The following RGL1 variants were observed in gnomAD, a reference collection of about 807,000 sequenced individuals.
The protein encoded by RGL1 is ral guanine nucleotide dissociation stimulator like 1, also known as ral guanine nucleotide dissociation stimulator-like 1.
Under a neutral mutation model 95.2 loss-of-function variants are expected in RGL1, and 24 were observed. The ratio of observed to expected loss-of-function variants is 0.25; its 90% CI spans 0.18 to 0.35. The LOEUF is 0.35. RGL1 is among the 10% of genes least tolerant of loss of function. The pLI, the probability that RGL1 is intolerant of heterozygous loss-of-function variation, is 1.00. For synonymous variants in RGL1, 329 were observed against 344.9 expected, an observed-to-expected ratio of 0.95 and a Z score of 0.51; for missense variants, 715 against 936.3, an observed-to-expected ratio of 0.76 and a Z score of 3.08.
At chr1:183,849,047 C>T (rs1558246858) in intron 3 of RGL1, among the ~76,000 whole-genome samples, 1 of 152,074 alleles carries the variant, frequency 6.6e-6, no homozygotes, top group Non-Finnish European at 1.5e-5. Context: ...GATAGCATCA[C>T]AGTACATAGT....
At position 183,926,888 on chromosome 1, in the gene RGL1, A is replaced by C. The variant is rs1241178327; in HGVS notation, c.*596A>C. 1 of 152,640 alleles carries C rather than the reference A, an allele frequency of 6.6e-6. No homozygotes were observed. The highest frequency in any genetic ancestry group is 1.5e-5 in the Non-Finnish European group (1 of 68,054). 9.5% of individuals were successfully genotyped at this position (152,640 alleles called of 1,614,324 possible). On this transcript the variant is annotated 3_prime_UTR_variant, in exon 18 of 18. Coordinates refer to ENST00000360851, the MANE Select transcript of RGL1 (RefSeq NM_001297671.3). ...ACTGCCACAGGCTGTATGAAAGGCC[A>C]CTTTGGAAAGGGTTTGGATGAGCTG...
Position 183,916,428 on chromosome 1 carries a change from G to A in RGL1, c.1750-19G>A. On this transcript the variant is annotated intron_variant, in intron 15 of 17. Coordinates refer to ENST00000360851, the MANE Select transcript of RGL1 (RefSeq NM_001297671.3). The stretch of plus-strand genomic sequence containing the variant: ...AGCGTTCTAATCTGTTTTCTTCTGG[G>A]GTGTGTTTACTCTTCCAGCTCTCTG... 6.2e-7 allele frequency: 1 copy of A among 1,612,448 alleles called. No homozygotes were observed. Among genetic ancestry groups the A allele is most frequent in the Non-Finnish European group, 8.5e-7 (1 of 1,178,936 alleles).
intron 1 of RGL1, among the ~76,000 whole-genome samples, chr1:183,737,821 G>T (rs1053193358): frequency 7.9e-5 from 12 of 151,948 alleles, no homozygotes; most frequent in Non-Finnish European, 8.8e-5. Flanking sequence ...GATCAGATTT[G>T]CCTTTATATA....
rs16861392 is a variant in RGL1 at position 183,648,236 on chromosome 1, C to T, written c.-33+11735C>T. 4.8e-3 allele frequency: 7,807 copies of T among 1,614,110 alleles called. 328 individuals carry two copies. The African/African-American group carries it at 0.093, about 19-fold the overall frequency. ...CACTTATTGGACTCAAAACAACCCGCGGCCATAAGCTGGCCAGGCTCCGGA... is the reference window on the plus strand; with the variant it reads ...CACTTATTGGACTCAAAACAACCCGTGGCCATAAGCTGGCCAGGCTCCGGA... On this transcript the variant is annotated intron_variant, in intron 1 of 18. Transcript: ENST00000304685.
intron 1 of RGL1, among the ~76,000 whole-genome samples, chr1:183,714,044 C>T (rs561053439): frequency 4.6e-5 from 7 of 152,228 alleles, no homozygotes; most frequent in African/African-American, 9.6e-5. Flanking sequence ...TCTTAAGCCA[C>T]GAGAAATATG....
At chr1:183,841,457 G>A (rs1233985746) in intron 2 of RGL1, among the ~76,000 whole-genome samples, 1 of 152,200 alleles carries the variant, frequency 6.6e-6, no homozygotes, top group African/African-American at 2.4e-5. Flanking sequence ...AAAGGTGATT[G>A]TGACAAGTTT....
intron 7 of RGL1, among the ~76,000 whole-genome samples, chr1:183,887,156 TC>T (rs1477256162): frequency 2.3e-5 from 3 of 130,022 alleles, no homozygotes; most frequent in African/African-American, 8.7e-5. Context: ...CTCTCTCTCT[TC>T]CCCTCCCTCC....
intron 2 of RGL1, among the ~76,000 whole-genome samples, chr1:183,772,738 G>A (rs1163380532): frequency 6.6e-6 from 1 of 151,996 alleles, no homozygotes; most frequent in Non-Finnish European, 1.5e-5. Flanking sequence ...GGCCGGGCGC[G>A]GTGGCTCACG....
intron 1 of RGL1, among the ~76,000 whole-genome samples, chr1:183,732,044 G>A (rs187188692): frequency 3.2e-4 from 49 of 152,226 alleles, no homozygotes; most frequent in African/African-American, 1.1e-3. Flanking sequence ...TCCTGTGACA[G>A]CATGGTGCTA....
intron 1 of RGL1, among the ~76,000 whole-genome samples, chr1:183,730,198 G>T (rs924719409): frequency 6.6e-6 from 1 of 152,148 alleles, no homozygotes; most frequent in Non-Finnish European, 1.5e-5. Flanking sequence ...CATTATAAAG[G>T]TGTTGACAAT....
At position 183,916,527 on chromosome 1, in the gene RGL1, C is replaced by A; in HGVS notation, c.1830C>A (p.Pro610=). The A allele has an allele frequency of 2.5e-6, 4 of 1,613,880 alleles. No individual in the cohort carries two copies. The highest frequency in any genetic ancestry group is 3.4e-6 in the Non-Finnish European group (4 of 1,179,988). Residue 610 remains proline, a synonymous_variant, in exon 16 of 18, where the codon CCC becomes CCA. Transcript: ENST00000360851. The part of the protein sequence containing the change: ...NSSGMSSLIN[P]LSSPPSCNNN... Reference sequence around the variant, plus strand: ...CAGGGATGTCTTCCTTAATCAACCCCCTCTCCTCCCCTCCGTCCTGCAACA... The same window carrying A: ...CAGGGATGTCTTCCTTAATCAACCCACTCTCCTCCCCTCCGTCCTGCAACA...
intron 2 of RGL1, among the ~76,000 whole-genome samples, chr1:183,759,383 G>A (rs1032025369): frequency 6.6e-6 from 1 of 152,136 alleles, no homozygotes; most frequent in South Asian, 2.1e-4. Context: ...CCTGGCCCTG[G>A]GATGATTAAG....
chr1:183,666,524 T>G (rs532185407), intron 1 of RGL1, among the ~76,000 whole-genome samples: 6 of 152,286 alleles, frequency 3.9e-5, no homozygotes, highest in South Asian at 4.1e-4. Context: ...TCTTTTTTCT[T>G]TTTTAAAAAA....
At chr1:183,892,045 A>G (rs774073599) in intron 8 of RGL1, 32 bp from the exon 9 acceptor site, 8 of 1,550,740 alleles carry the variant, frequency 5.2e-6, no homozygotes, top group Non-Finnish European at 5.3e-6. Context: ...CTAACTCTTC[A>G]TTGTTAATAT....
chr1:183,882,233 G>A (rs991216988), intron 5 of RGL1, among the ~76,000 whole-genome samples: 2 of 152,226 alleles, frequency 1.3e-5, no homozygotes, highest in African/African-American at 4.8e-5. Context: ...AGAGAGAAAG[G>A]ATCATGTAAT....
At chr1:183,648,210 C>T (rs1650450463) in intron 1 of RGL1, 1 of 1,614,184 alleles carries the variant, frequency 6.2e-7, no homozygotes, top group East Asian at 2.2e-5. Flanking sequence ...CCAGATCCCA[C>T]CACTTATTGG....
intron 4 of RGL1, 91 bp downstream of exon 4, chr1:183,866,164 C>A: frequency 9.0e-7 from 1 of 1,113,340 alleles, no homozygotes; most frequent in Non-Finnish European, 1.3e-6. Context: ...TTGAATGTTG[C>A]CATGATTTTT....
intron 2 of RGL1, among the ~76,000 whole-genome samples, chr1:183,817,987 T>C (rs1281477407): frequency 6.6e-6 from 1 of 152,224 alleles, no homozygotes; most frequent in Non-Finnish European, 1.5e-5. Context: ...GAACATTCTT[T>C]GGTTAGAGTT....
intron 1 of RGL1, among the ~76,000 whole-genome samples, chr1:183,716,047 T>C (rs1558168897): frequency 6.6e-6 from 1 of 152,252 alleles, no homozygotes; most frequent in African/African-American, 2.4e-5. Context: ...CAATCTGCTT[T>C]ACTCATTCTG....
Sources: gnomAD v4.1 joint callset for allele counts (sites outside exome capture counted in the v4.1 genomes callset) on GRCh38, gnomAD v4.1.1 for gene constraint, MANE v1.5 for transcripts, NCBI Gene and HGNC (gene_info 2026-07-23, HGNC 2026-07-21) for gene names.